Variants in USH2A observed in about 807,000 individuals in gnomAD.
USH2A encodes the protein usherin.
Under a neutral mutation model 538.9 loss-of-function variants are expected in USH2A, and 443 were observed. The observed-to-expected ratio is 0.82, with a 90% CI of 0.76 to 0.89. The LOEUF is 0.89. USH2A is among the 40% of genes least tolerant of loss of function. The pLI, the probability that USH2A is intolerant of heterozygous loss-of-function variation, is 0.00. For synonymous variants in USH2A, 2,413 were observed against 2,273.5 expected (o/e 1.06, Z -1.75); for missense variants, 6,633 against 6,324.8 (o/e 1.05, Z -1.65).
In USH2A at chr1:215,659,874, T is replaced by A. The variant is rs562733591; in HGVS notation, c.14134-9073A>T. On this transcript the variant is annotated intron_variant, in intron 64 of 71. Coordinates refer to ENST00000307340, the MANE Select transcript of USH2A (RefSeq NM_206933.4). ...TGGGGTCAGAAAGTCAGGACTTGAGTTCTGACTCTGTTGCTTTTTGACTAG... is the reference window on the plus strand; with the variant it reads ...TGGGGTCAGAAAGTCAGGACTTGAGATCTGACTCTGTTGCTTTTTGACTAG... Among the ~76,000 whole-genome samples, 4 of 152,230 alleles carry A rather than the reference T, an allele frequency of 2.6e-5. 1 individual carries two copies. In the East Asian group the frequency reaches 7.7e-4, roughly 29 times the overall value.
intron 44 of USH2A, among the ~76,000 whole-genome samples, chr1:215,850,319 C>A (rs989540191): frequency 6.6e-6 from 1 of 152,004 alleles, no homozygotes; most frequent in Non-Finnish European, 1.5e-5. Context: ...AAAATATAGT[C>A]GGAAGATAAA....
chr1:216,291,609 T>A (rs76073913), intron 10 of USH2A, among the ~76,000 whole-genome samples: 125 of 152,360 alleles, frequency 8.2e-4, no homozygotes, highest in Non-Finnish European at 1.4e-3. Context: ...CAAATTCAGA[T>A]GTTGGCCATT....
intron 66 of USH2A, 35 bp from the exon 67 acceptor site, chr1:215,647,765 G>T (rs778402811): frequency 1.2e-6 from 2 of 1,607,408 alleles, no homozygotes; most frequent in African/African-American, 1.3e-5. Context: ...GTCAAGACGG[G>T]TAATGGAATT....
intron 21 of USH2A, among the ~76,000 whole-genome samples, chr1:216,117,865 T>G (rs1041944920): frequency 6.7e-6 from 1 of 149,860 alleles, no homozygotes; most frequent in Non-Finnish European, 1.5e-5. Context: ...TATATATGCA[T>G]GTATACACAT....
chr1:216,252,635 G>C (rs1274803761), intron 11 of USH2A, among the ~76,000 whole-genome samples: 2 of 152,104 alleles, frequency 1.3e-5, no homozygotes, highest in African/African-American at 2.4e-5. Flanking sequence ...AAAAATAAAT[G>C]GTTATATGCA....
chr1:215,922,529 G>T (rs529263215), intron 38 of USH2A, among the ~76,000 whole-genome samples: 1 of 151,906 alleles, frequency 6.6e-6, no homozygotes, highest in South Asian at 2.1e-4. Context: ...ATGGAATAAA[G>T]TCATAGACAA....
At chr1:216,289,520 G>A (rs572757331) in intron 10 of USH2A, 110 bp from the exon 11 acceptor site, 19 of 1,481,982 alleles carry the variant, frequency 1.3e-5, no homozygotes, top group African/African-American at 8.3e-5. Context: ...TTTTCGGAAC[G>A]TCCGTTTTAA....
At chr1:215,788,172 A>G (rs1661858137) in intron 51 of USH2A, among the ~76,000 whole-genome samples, 1 of 152,178 alleles carries the variant, frequency 6.6e-6, no homozygotes, top group Admixed American at 6.5e-5. Context: ...CACACAAGAC[A>G]GTGCATACCT....
chr1:215,953,708 CA>C, intron 37 of USH2A, among the ~76,000 whole-genome samples: 1 of 151,998 alleles, frequency 6.6e-6, no homozygotes, highest in Non-Finnish European at 1.5e-5. Context: ...CCATAATTGA[CA>C]AATGGGATCT....
At chr1:216,102,643 CA>C (rs1456120750) in intron 21 of USH2A, among the ~76,000 whole-genome samples, 1 of 151,776 alleles carries the variant, frequency 6.6e-6, no homozygotes, top group African/African-American at 2.4e-5. Flanking sequence ...ACTAAAAGTA[CA>C]AAAAAATTAG....
intron 16 of USH2A, among the ~76,000 whole-genome samples, chr1:216,206,174 T>G (rs978571862): frequency 2.6e-5 from 4 of 152,336 alleles, no homozygotes; most frequent in African/African-American, 9.6e-5. Context: ...TTTGATACAT[T>G]TTCTATAATA....
intron 70 of USH2A, among the ~76,000 whole-genome samples, chr1:215,632,802 T>C (rs1656328107): frequency 6.6e-6 from 1 of 152,208 alleles, no homozygotes; most frequent in Admixed American, 6.5e-5. Context: ...AAAGTTATTC[T>C]TTAACAAGGA....
chr1:216,305,381 T>C (rs896499757), intron 9 of USH2A, among the ~76,000 whole-genome samples: 7 of 152,178 alleles, frequency 4.6e-5, no homozygotes, highest in African/African-American at 1.7e-4. Context: ...TCCACCTCTT[T>C]ACCTTAAGTT....
At chr1:216,033,798 T>C (rs936277140) in intron 32 of USH2A, among the ~76,000 whole-genome samples, 3 of 152,092 alleles carry the variant, frequency 2.0e-5, no homozygotes, top group African/African-American at 7.2e-5. Flanking sequence ...AATGCGCCAC[T>C]GCACTCCATC....
At chr1:216,364,586 A>G (rs1216519499) in intron 4 of USH2A, among the ~76,000 whole-genome samples, 7 of 152,104 alleles carry the variant, frequency 4.6e-5, no homozygotes, top group Non-Finnish European at 8.8e-5. Flanking sequence ...TAACAGAGGT[A>G]AAGGGGAGAA....
At chr1:216,229,241 T>C (rs2035627231) in intron 14 of USH2A, among the ~76,000 whole-genome samples, 1 of 152,002 alleles carries the variant, frequency 6.6e-6, no homozygotes, top group Non-Finnish European at 1.5e-5. Context: ...CTTCTCATAC[T>C]TTAGCTCTAT....
chr1:215,786,891 G>A lies in USH2A; in HGVS notation c.10183-17C>T. 1 of 1,612,868 alleles carries A rather than the reference G, an allele frequency of 6.2e-7. No homozygotes were observed. On this transcript the variant is annotated splice_polypyrimidine_tract_variant and intron_variant, in intron 51 of 71. Coordinates refer to ENST00000307340, the MANE Select transcript of USH2A (RefSeq NM_206933.4). ...TTTGGTTTCCTGAGTCAAGTGGCAGGGGTGAGAGAGAGAGGGGTATTTAAA... is the reference window on the plus strand; with the variant it reads ...TTTGGTTTCCTGAGTCAAGTGGCAGAGGTGAGAGAGAGAGGGGTATTTAAA...
chr1:216,135,179 T>TAC (rs71161405), intron 21 of USH2A, among the ~76,000 whole-genome samples: 40 of 135,490 alleles, frequency 3.0e-4, no homozygotes, highest in Non-Finnish European at 3.9e-4. Context: ...CACACACACA[T>TAC]ACACACACAC....
At position 215,648,089 on chromosome 1, in the gene USH2A, A is replaced by G. The variant is rs6665928; in HGVS notation, c.14583-359T>C. Among the ~76,000 whole-genome samples the G allele has an allele frequency of 0.055, 8,419 of 152,162 alleles. 357 individuals carry two copies. The highest frequency in any genetic ancestry group is 0.19 in the East Asian group (1,006 of 5,168). The stretch of plus-strand genomic sequence containing the variant: ...ATAATTTTTTTTCTAAATGATTTTG[A>G]GTCAAGTGTCTTCTTTTTCCTTTCA... On this transcript the variant is annotated intron_variant, in intron 66 of 71. Transcript: ENST00000307340.
Sources: gnomAD v4.1 joint callset for allele counts (sites outside exome capture counted in the v4.1 genomes callset) on GRCh38, gnomAD v4.1.1 for gene constraint, MANE v1.5 for transcripts, NCBI Gene and HGNC (gene_info 2026-07-23, HGNC 2026-07-21) for gene names.